The following DNAJC2 variants were observed in gnomAD, a reference collection of about 807,000 sequenced individuals.
DNAJC2 encodes the protein dnaJ homolog subfamily C member 2.
DNAJC2 carries 32 observed loss-of-function variants against 94.0 expected under a neutral mutation model. That is an observed-to-expected ratio of 0.34 (90% CI 0.26 to 0.46). The LOEUF (loss-of-function observed/expected upper bound fraction) is 0.46. Ranked by LOEUF, DNAJC2 falls within the 20% of genes least tolerant of loss-of-function variation. DNAJC2 has a pLI of 1.00. For missense variants in DNAJC2, 550 were observed against 719.5 expected, an observed-to-expected ratio of 0.76 and a Z score of 2.69; for synonymous variants, 210 against 229.7, an observed-to-expected ratio of 0.91 and a Z score of 0.77.
At position 103,344,604 on chromosome 7, in the gene DNAJC2, C is replaced by G. The variant is rs749814974; in HGVS notation, c.19G>C (p.Ala7Pro). The G allele has an allele frequency of 4.2e-5, 67 of 1,612,240 alleles. No individual in the cohort carries two copies. Among genetic ancestry groups the G allele is most frequent in the Admixed American group, 8.3e-5 (5 of 59,998 alleles). Residue 7 changes from alanine to proline, a missense_variant, in exon 1 of 17, where the codon GCC (alanine) becomes CCC (proline). This residue lies in a region of DNAJC2 where 279 missense variants were observed against 416.9 expected (regional missense o/e 0.67). Transcript: ENST00000379263. MLLLPS[A>P]ADGRGTAITH... ...ATGGCGGTGCCCCGGCCGTCCGCGG[C>G]GCTTGGCAGAAGCAGCATGATGGCG...
At chr7:103,322,898 T>A in intron 7 of DNAJC2, 104 bp from the exon 8 acceptor site, 1 of 914,398 alleles carries the variant, frequency 1.1e-6, no homozygotes, top group Non-Finnish European at 1.6e-6. Flanking sequence ...ATCCTAGAGG[T>A]TAAAATGCTG....
At chr7:103,328,949 A>T in intron 3 of DNAJC2, 1 of 1,215,198 alleles carries the variant, frequency 8.2e-7, no homozygotes, top group Non-Finnish European at 1.1e-6. Flanking sequence ...CACAGAAGTG[A>T]ACTTCATGAA....
At chr7:103,322,272 T>C (rs1441510264) in intron 9 of DNAJC2, among the ~76,000 whole-genome samples, 191 bp from the exon 10 acceptor site, 5 of 152,116 alleles carry the variant, frequency 3.3e-5, no homozygotes, top group Admixed American at 1.3e-4. Context: ...AAATGTAAAA[T>C]TGACATATTA....
intron 12 of DNAJC2, 56 bp downstream of exon 12, chr7:103,319,553 G>C: frequency 6.5e-7 from 1 of 1,532,304 alleles, no homozygotes; most frequent in Non-Finnish European, 9.0e-7. Flanking sequence ...TGAAGAAACA[G>C]GTCAAAGCAG....
At position 103,343,254 on chromosome 7, in the gene DNAJC2, G is replaced by A. The variant is rs574061064; in HGVS notation, c.65-1300C>T. Among the ~76,000 whole-genome samples, 8 of 152,190 alleles carry A rather than the reference G, an allele frequency of 5.3e-5. No individual in the cohort carries two copies. The South Asian group carries it at 1.7e-3, about 32-fold the overall frequency. ...GACCTCAGGTGATCCACCTGCCTCG[G>A]CCTCCCAAAGTGCTGGGATTATAGA... On this transcript the variant is annotated intron_variant, in intron 1 of 16. Transcript: ENST00000379263.
At position 103,334,194 on chromosome 7, in the gene DNAJC2, G is replaced by A. The variant is rs1449449773; in HGVS notation, c.331+3542C>T. 4.6e-5 allele frequency among the ~76,000 whole-genome samples: 7 copies of A among 151,790 alleles called. No individual in the cohort carries two copies. In the South Asian group the frequency reaches 1.5e-3, roughly 31 times the overall value. On this transcript the variant is annotated intron_variant, in intron 3 of 16. Coordinates refer to ENST00000379263, the MANE Select transcript of DNAJC2 (RefSeq NM_014377.3). ...TCTCGATCTCCTGACCTCGTGATCCGCCTGCCTTGGCCTCCCAAAGTGCTG... is the reference window on the plus strand; with the variant it reads ...TCTCGATCTCCTGACCTCGTGATCCACCTGCCTTGGCCTCCCAAAGTGCTG...
intron 5 of DNAJC2, among the ~76,000 whole-genome samples, chr7:103,325,892 T>C (rs1056292305): frequency 3.3e-5 from 5 of 149,700 alleles, no homozygotes; most frequent in Non-Finnish European, 5.9e-5. Flanking sequence ...AGTCAGAGAG[T>C]AGTATACCGA....
chr7:103,319,656 G>C lies in DNAJC2; in HGVS notation c.1195C>G (p.Leu399Val), dbSNP rs1210149857. The C allele has an allele frequency of 1.2e-6, 2 of 1,613,988 alleles. No individual in the cohort carries two copies. Among genetic ancestry groups the C allele is most frequent in the Non-Finnish European group, 1.7e-6 (2 of 1,179,998 alleles). Residue 399 changes from leucine (L) to valine (V), a missense_variant, in exon 12 of 17, where the codon CTC becomes GTC. Physicochemically the swap from Leu to Val is conservative, Grantham distance 32. Transcript: ENST00000379263. ...LASLQCLNET[L>V]TSCTKEVGKA... Reference sequence around the variant, plus strand: ...CCTACTTCTTTTGTGCATGATGTGAGTGTTTCATTCAAGCACTGTAAGCTA... The same window carrying C: ...CCTACTTCTTTTGTGCATGATGTGACTGTTTCATTCAAGCACTGTAAGCTA...
chr7:103,332,131 A>C (rs1204747096), intron 3 of DNAJC2, among the ~76,000 whole-genome samples: 1 of 151,626 alleles, frequency 6.6e-6, no homozygotes, highest in Non-Finnish European at 1.5e-5. Flanking sequence ...CAGCCTCCCG[A>C]GTAGCTGGGA....
At chr7:103,323,480 T>C in intron 7 of DNAJC2, 118 bp downstream of exon 7, 1 of 1,081,340 alleles carries the variant, frequency 9.2e-7, no homozygotes, top group Non-Finnish European at 1.3e-6. Context: ...AAAAAATTGT[T>C]TAAAAAAGAT....
rs142265339 is a variant in DNAJC2, at chr7:103,322,317, A to G, written c.933+194T>C. The stretch of plus-strand genomic sequence containing the variant: ...ATAATATTAAAGGAACTTATGACAC[A>G]ATTTTTTGCTCAATAAAAACGTGCT... On this transcript the variant is annotated intron_variant, in intron 9 of 16. Coordinates refer to ENST00000379263, the MANE Select transcript of DNAJC2 (RefSeq NM_014377.3). Among the ~76,000 whole-genome samples the G allele has an allele frequency of 2.2e-3, 335 of 152,288 alleles. 3 individuals are homozygous for G. The highest frequency in any genetic ancestry group is 7.6e-3 in the African/African-American group (314 of 41,566).
chr7:103,342,291 A>C (rs1051231145), intron 1 of DNAJC2, among the ~76,000 whole-genome samples: 1 of 152,032 alleles, frequency 6.6e-6, no homozygotes, highest in Non-Finnish European at 1.5e-5. Flanking sequence ...CTTTTAGACA[A>C]ATTATTTATT....
At chr7:103,325,918 T>A (rs888211471) in intron 5 of DNAJC2, among the ~76,000 whole-genome samples, 8 of 152,064 alleles carry the variant, frequency 5.3e-5, no homozygotes, top group African/African-American at 1.4e-4. Context: ...AAAGAGGAAA[T>A]CAAAGAATGG....
At chr7:103,343,052 TGCAATAGC>T (rs1252932594) in intron 1 of DNAJC2, among the ~76,000 whole-genome samples, 2 of 151,996 alleles carry the variant, frequency 1.3e-5, no homozygotes, top group Non-Finnish European at 1.5e-5. Context: ...CAGGCTGTAG[TGCAATAGC>T]GCAATCTCGG....
At chr7:103,338,663 G>T (rs1188409555) in intron 2 of DNAJC2, among the ~76,000 whole-genome samples, 3 of 151,990 alleles carry the variant, frequency 2.0e-5, no homozygotes, top group Non-Finnish European at 2.9e-5. Flanking sequence ...TGTAATCCCA[G>T]TGCTTTGGGA....
At chr7:103,339,063 C>T (rs186814625) in intron 2 of DNAJC2, among the ~76,000 whole-genome samples, 88 of 152,276 alleles carry the variant, frequency 5.8e-4, no homozygotes, top group Admixed American at 1.8e-3. Context: ...ACCTGTAAAA[C>T]CTAGCATTTT....
At chr7:103,319,201 A>C (rs1443065562) in intron 12 of DNAJC2, among the ~76,000 whole-genome samples, 6 of 152,080 alleles carry the variant, frequency 3.9e-5, no homozygotes, top group Non-Finnish European at 7.4e-5. Flanking sequence ...CACTTTGAGA[A>C]GCCTACATGG....
intron 1 of DNAJC2, chr7:103,344,281 G>C (rs1455626452): frequency 1.9e-6 from 1 of 524,408 alleles, no homozygotes; most frequent in Non-Finnish European, 3.4e-6. Context: ...GTGCTGGGGG[G>C]TTCCGTCCCG....
In DNAJC2 at chr7:103,317,784, G is replaced by A. The variant is rs190098162; in HGVS notation, c.1243-770C>T. On this transcript the variant is annotated intron_variant, in intron 12 of 16. Transcript: ENST00000379263. The stretch of plus-strand genomic sequence containing the variant: ...TCCTGCCTCAGCCTCCCAAGTAGCT[G>A]GGATTACAGATGCCTGCCACCATGC... Among the ~76,000 whole-genome samples the A allele has an allele frequency of 2.0e-5, 3 of 152,236 alleles. No individual in the cohort carries two copies. In the East Asian group the frequency reaches 5.8e-4, roughly 29 times the overall value.
Sources: gnomAD v4.1 joint callset for allele counts (sites outside exome capture counted in the v4.1 genomes callset) on GRCh38, gnomAD v4.1.1 for gene constraint, gnomAD v4.1.1 regional missense constraint, MANE v1.5 for transcripts, NCBI Gene and HGNC (gene_info 2026-07-23, HGNC 2026-07-21) for gene names.